RPGRIP1: variants seen among roughly 807,000 people sequenced by gnomAD.
RPGRIP1 encodes the protein RPGR interacting protein 1.
In RPGRIP1, 128 loss-of-function variants were observed where a neutral mutation model predicts 157.9. The ratio of observed to expected loss-of-function variants is 0.81; its 90% confidence interval spans 0.70 to 0.94. The LOEUF is 0.94. RPGRIP1 is among the 40% of genes least tolerant of loss of function. The pLI, the probability that RPGRIP1 is intolerant of heterozygous loss-of-function variation, is 0.00. For synonymous variants in RPGRIP1, 554 were observed against 571.6 expected (o/e 0.97, Z 0.44); for missense variants, 1,486 against 1,545.8 (o/e 0.96, Z 0.65).
At position 21,327,621 on chromosome 14, in the gene RPGRIP1, A is replaced by G. The variant is rs766443371; in HGVS notation, c.2711-2A>G. On this transcript the variant is annotated splice_acceptor_variant, in intron 17 of 24. Coordinates refer to ENST00000400017, the MANE Select transcript of RPGRIP1 (RefSeq NM_020366.4). LOFTEE classifies it high-confidence loss of function. Reference sequence around the variant, plus strand: ...TCTTATTAATATCTGTTTGTTTCTCAGGTGATTTTAACCTCACTGACCCTG... The same window carrying G: ...TCTTATTAATATCTGTTTGTTTCTCGGGTGATTTTAACCTCACTGACCCTG... 7 of 1,613,460 alleles carry G rather than the reference A, an allele frequency of 4.3e-6. No homozygotes were observed. The Admixed American group carries it at 1.0e-4, about 23-fold the overall frequency.
intron 20 of RPGRIP1, among the ~76,000 whole-genome samples, chr14:21,332,108 T>C (rs2139275149): frequency 6.6e-6 from 1 of 151,918 alleles, no homozygotes; most frequent in East Asian, 1.9e-4. Context: ...CCGGCTAATA[T>C]TTGTATTTTT....
rs369756217 is a variant in RPGRIP1 at position 21,351,088 on chromosome 14, T to C, written c.3749-16T>C. ...TGTTCAACTGAGTGATGCTGTTTTT[T>C]TCCCTTTCCCAACAGTTGTTAGCCC... On this transcript the variant is annotated splice_polypyrimidine_tract_variant and intron_variant, in intron 24 of 24. Coordinates refer to ENST00000400017, the MANE Select transcript of RPGRIP1 (RefSeq NM_020366.4). 42 of 1,506,948 alleles carry C rather than the reference T, an allele frequency of 2.8e-5. No individual in the cohort carries two copies. The African/African-American group carries it at 4.5e-4, about 16-fold the overall frequency. The allele number at this position is 1,506,948 out of a possible 1,614,324, so 93.3% of individuals were successfully genotyped here. A position where few individuals can be genotyped will look rare whatever the true frequency, so the allele number is the denominator to read the frequency against.
At chr14:21,289,768 C>T (rs375796376) in intron 2 of RPGRIP1, among the ~76,000 whole-genome samples, 18 of 152,054 alleles carry the variant, frequency 1.2e-4, no homozygotes, top group Admixed American at 5.9e-4. Flanking sequence ...CTTGGGAGGC[C>T]GAGGCAGGTG....
At chr14:21,324,591 G>A (rs376250645) in intron 14 of RPGRIP1, 27 bp from the exon 15 acceptor site, 18 of 1,592,584 alleles carry the variant, frequency 1.1e-5, no homozygotes, top group East Asian at 6.7e-5. Context: ...ACCCTTTAAC[G>A]GATAGGCAGC....
Position 21,327,810 on chromosome 14 carries a change from A to G in RPGRIP1, c.2895+3A>G, listed in dbSNP as rs769634650. The G allele has an allele frequency of 8.2e-6, 13 of 1,586,440 alleles. No individual in the cohort carries two copies. The highest frequency in any genetic ancestry group is 1.4e-5 in the African/African-American group (1 of 74,060). ...AAAAGGCTTCATTTCCTTCCCAGGT[A>G]ACTCTCCAGGACTCCACAGGTAGCA... On this transcript the variant is annotated splice_donor_region_variant and intron_variant, in intron 18 of 24. Transcript: ENST00000400017.
chr14:21,306,189 T>TG (rs1265139560), intron 6 of RPGRIP1, among the ~76,000 whole-genome samples: 1 of 132,450 alleles, frequency 7.6e-6, no homozygotes, highest in Non-Finnish European at 1.6e-5. Flanking sequence ...TGAAGTGTAG[T>TG]GGCACCTTGT....
rs976304613 is a variant in RPGRIP1, at chr14:21,305,523, G to A, written c.800+1980G>A. Among the ~76,000 whole-genome samples, 42 of 152,234 alleles carry A rather than the reference G, an allele frequency of 2.8e-4. 1 individual carries two copies. Among genetic ancestry groups the A allele is most frequent in the Admixed American group, 5.2e-4 (8 of 15,284 alleles). On this transcript the variant is annotated intron_variant, in intron 6 of 24. Transcript: ENST00000400017. ...AAAGCTGCTATTAACATTATGTGTC[G>A]TTTTTTGTATGGATATAAGTTTTCA...
In RPGRIP1 at chr14:21,282,586, C is replaced by T. The variant is rs1484910414; in HGVS notation, c.-39+2427C>T. On this transcript the variant is annotated intron_variant, in intron 1 of 24. Coordinates refer to ENST00000400017, the MANE Select transcript of RPGRIP1 (RefSeq NM_020366.4). Reference sequence around the variant, plus strand: ...TTGAGTTCAAAACAATTGATAAACCCTTTTAGAATCTACATTCCATTTTTT... The same window carrying T: ...TTGAGTTCAAAACAATTGATAAACCTTTTTAGAATCTACATTCCATTTTTT... Among the ~76,000 whole-genome samples the T allele has an allele frequency of 1.5e-4, 22 of 148,938 alleles. 1 individual carries two copies. Among genetic ancestry groups the T allele is most frequent in the African/African-American group, 5.0e-5 (2 of 40,226 alleles).
chr14:21,329,015 G>A (rs1883421666), intron 19 of RPGRIP1, among the ~76,000 whole-genome samples: 2 of 152,012 alleles, frequency 1.3e-5, no homozygotes, highest in Admixed American at 1.3e-4. Flanking sequence ...ATGGTGGTGT[G>A]TGCCTGTAAT....
intron 3 of RPGRIP1, among the ~76,000 whole-genome samples, chr14:21,299,761 C>A (rs764415907): frequency 2.6e-5 from 4 of 152,142 alleles, no homozygotes; most frequent in Non-Finnish European, 1.5e-5. Context: ...CTCAGGATGC[C>A]ATAACAAAAT....
chr14:21,334,841 G>A (rs1469724131), intron 21 of RPGRIP1, 136 bp downstream of exon 21: 7 of 524,992 alleles, frequency 1.3e-5, no homozygotes, highest in East Asian at 3.1e-5. Context: ...TCGGGAGTTC[G>A]AGACCAGCCT....
intron 21 of RPGRIP1, among the ~76,000 whole-genome samples, chr14:21,339,541 A>C (rs1594255977): frequency 6.6e-6 from 1 of 152,188 alleles, no homozygotes; most frequent in East Asian, 1.9e-4. Context: ...TGGTAATGTT[A>C]TGAAACATGT....
intron 2 of RPGRIP1, 119 bp downstream of exon 2, chr14:21,288,180 C>CTTTTT: frequency 1.4e-5 from 7 of 490,590 alleles, no homozygotes; most frequent in South Asian, 2.4e-5. Flanking sequence ...AGTCTTCTCA[C>CTTTTT]TTTTTTTTTT....
At chr14:21,292,093 T>C (rs1450204856) in intron 2 of RPGRIP1, among the ~76,000 whole-genome samples, 1 of 152,176 alleles carries the variant, frequency 6.6e-6, no homozygotes. Flanking sequence ...GATTTCACTG[T>C]GTTGCCCAGG....
At position 21,321,951 on chromosome 14, in the gene RPGRIP1, A is replaced by C. The variant is rs1364379385; in HGVS notation, c.1709A>C (p.Asn570Thr). The C allele has an allele frequency of 1.2e-6, 2 of 1,613,854 alleles. No individual in the cohort carries two copies. Among genetic ancestry groups the C allele is most frequent in the South Asian group, 2.2e-5 (2 of 91,062 alleles). ...ACTCGACTACTAGACCTCAAGAATA[A>C]CCGTATCAAGCAGCTGGAAGGTATT... ...RLTRLLDLKN[N>T]RIKQLEGILR... Residue 570 changes from asparagine (N) to threonine (T), a missense_variant, in exon 14 of 25, where the codon AAC becomes ACC. Asn to Thr is a moderately conservative substitution (Grantham distance 65). Coordinates refer to ENST00000400017, the MANE Select transcript of RPGRIP1 (RefSeq NM_020366.4).
rs10438064 is a variant in RPGRIP1, at chr14:21,343,471, G to C, written c.3532+243G>C. Among the ~76,000 whole-genome samples, 17,810 of 151,982 alleles carry C rather than the reference G, an allele frequency of 0.12. 2,582 individuals carry two copies. Among genetic ancestry groups the C allele is most frequent in the African/African-American group, 0.34 (14,189 of 41,410 alleles). ...CTGTTCCCACCCTTCCTCAATCCAC[G>C]GCTTCCCACATTTCAGCTATATTTA... is the stretch of plus-strand genomic sequence containing the variant. On this transcript the variant is annotated intron_variant, in intron 22 of 24. Transcript: ENST00000400017.
In RPGRIP1 at chr14:21,288,558, A is replaced by C. The variant is rs753601794; in HGVS notation, c.85+497A>C. On this transcript the variant is annotated intron_variant, in intron 2 of 24. Coordinates refer to ENST00000400017, the MANE Select transcript of RPGRIP1 (RefSeq NM_020366.4). ...GGAGTTTCACTCTCTCTCGTCCCCC[A>C]GGCTGGAGTGCAGTGGCCCAATCTT... is the stretch of plus-strand genomic sequence containing the variant. Among the ~76,000 whole-genome samples, 281 of 147,970 alleles carry C rather than the reference A, an allele frequency of 1.9e-3. 1 individual carries two copies. The highest frequency in any genetic ancestry group is 2.8e-3 in the Non-Finnish European group (186 of 67,122).
chr14:21,286,323 A>G (rs1258639260), intron 1 of RPGRIP1, among the ~76,000 whole-genome samples: 1 of 151,882 alleles, frequency 6.6e-6, no homozygotes, highest in Non-Finnish European at 1.5e-5. Context: ...CCTGGAGAAC[A>G]TGCTAATGGG....
intron 23 of RPGRIP1, 140 bp from the exon 24 acceptor site, chr14:21,348,032 A>T: frequency 4.5e-6 from 3 of 670,038 alleles, no homozygotes; most frequent in African/African-American, 3.8e-5. Flanking sequence ...TTTTTTGCTT[A>T]TTGTCATTTT....
Sources: gnomAD v4.1 joint callset for allele counts (sites outside exome capture counted in the v4.1 genomes callset) on GRCh38, gnomAD v4.1.1 for gene constraint, MANE v1.5 for transcripts, NCBI Gene and HGNC (gene_info 2026-07-23, HGNC 2026-07-21) for gene names.